Variants in GRID1 observed in about 807,000 individuals in gnomAD.
GRID1 encodes glutamate ionotropic receptor delta type subunit 1, also known as glutamate receptor ionotropic, delta-1.
In GRID1, 28 loss-of-function variants were observed where a neutral mutation model predicts 98.0. That is an observed-to-expected ratio of 0.29 (90% CI 0.21 to 0.39). The LOEUF is 0.39. Ranked by LOEUF, GRID1 falls within the 10% of genes least tolerant of loss-of-function variation. The pLI, the probability that GRID1 is intolerant of heterozygous loss-of-function variation, is 1.00. For synonymous variants in GRID1, 553 were observed against 538.5 expected (o/e 1.03, Z -0.37); for missense variants, 1,111 against 1,340.5 (o/e 0.83, Z 2.67).
At chr10:86,058,290 CCTT>C (rs1843602482) in intron 4 of GRID1, among the ~76,000 whole-genome samples, 1 of 152,128 alleles carries the variant, frequency 6.6e-6, no homozygotes, top group Admixed American at 6.5e-5. Flanking sequence ...TTCTGTGTGA[CCTT>C]CTAGTTGGTT....
At chr10:86,225,307 GGAAACTGCCCAGGATGAGCTCA>G (rs1846322974) in intron 2 of GRID1, among the ~76,000 whole-genome samples, 1 of 152,214 alleles carries the variant, frequency 6.6e-6, no homozygotes, top group Non-Finnish European at 1.5e-5. Flanking sequence ...CACCAGCAAA[GGAAACTGCCCAGGATGAGCTCA>G]GCACTTTTTT....
intron 4 of GRID1, among the ~76,000 whole-genome samples, chr10:86,029,720 G>GA (rs1344946859): frequency 1.3e-5 from 2 of 151,462 alleles, no homozygotes; most frequent in Middle Eastern, 3.2e-3. Flanking sequence ...TCTGAAGCTT[G>GA]AAAAAAACAA....
chr10:86,081,844 G>T (rs1445769757), intron 4 of GRID1, among the ~76,000 whole-genome samples: 1 of 152,200 alleles, frequency 6.6e-6, no homozygotes, highest in Non-Finnish European at 1.5e-5. Flanking sequence ...AAGAATCAGT[G>T]GTTGCCTATG....
intron 12 of GRID1, among the ~76,000 whole-genome samples, chr10:85,714,258 G>A (rs1487220910): frequency 6.6e-6 from 1 of 151,970 alleles, no homozygotes; most frequent in Non-Finnish European, 1.5e-5. Flanking sequence ...CTATTTGAGG[G>A]TGGAGGTTAG....
intron 4 of GRID1, among the ~76,000 whole-genome samples, chr10:86,115,529 C>A (rs1177623275): frequency 4.6e-5 from 7 of 152,206 alleles, no homozygotes; most frequent in Non-Finnish European, 8.8e-5. Context: ...CTTTAATCTG[C>A]CACCTACAAG....
chr10:86,131,096 A>G (rs1335474753), intron 4 of GRID1, among the ~76,000 whole-genome samples: 1 of 152,182 alleles, frequency 6.6e-6, no homozygotes, highest in Middle Eastern at 3.2e-3. Flanking sequence ...TGTGGACTAC[A>G]TGGCACAGAT....
At chr10:85,673,627 T>A (rs1008436483) in intron 12 of GRID1, among the ~76,000 whole-genome samples, 1 of 152,226 alleles carries the variant, frequency 6.6e-6, no homozygotes, top group Non-Finnish European at 1.5e-5. Flanking sequence ...GGGTTAGTAC[T>A]TTTGAGCATA....
intron 3 of GRID1, among the ~76,000 whole-genome samples, chr10:86,151,902 C>T (rs756330895): frequency 6.6e-6 from 1 of 152,238 alleles, no homozygotes; most frequent in African/African-American, 2.4e-5. Context: ...CTGCCCCACA[C>T]TATCTTACCC....
chr10:86,282,613 T>G (rs995871797), intron 2 of GRID1, among the ~76,000 whole-genome samples: 1 of 152,174 alleles, frequency 6.6e-6, no homozygotes, highest in South Asian at 2.1e-4. Context: ...CAAGACCATT[T>G]AAGCATGGCA....
intron 12 of GRID1, among the ~76,000 whole-genome samples, chr10:85,675,654 T>A (rs569066438): frequency 6.6e-6 from 1 of 152,228 alleles, no homozygotes; most frequent in East Asian, 1.9e-4. Flanking sequence ...CAGAGGGAGA[T>A]CATAAACACA....
intron 3 of GRID1, among the ~76,000 whole-genome samples, chr10:86,181,913 G>A (rs1429047289): frequency 6.6e-6 from 1 of 152,146 alleles, no homozygotes; most frequent in East Asian, 1.9e-4. Context: ...TGAATCCCCA[G>A]AACCTAGCAT....
chr10:85,673,226 T>G (rs1276857197), intron 12 of GRID1, among the ~76,000 whole-genome samples: 4 of 152,228 alleles, frequency 2.6e-5, no homozygotes, highest in Non-Finnish European at 5.9e-5. Flanking sequence ...AACATTTGTT[T>G]CTTACAGATG....
rs542738799 is a variant in GRID1 at position 86,116,528 on chromosome 10, G to A, written c.726+22291C>T. Among the ~76,000 whole-genome samples the A allele has an allele frequency of 3.9e-5, 6 of 152,246 alleles. No individual in the cohort carries two copies. In the South Asian group the frequency reaches 6.2e-4, roughly 16 times the overall value. On this transcript the variant is annotated intron_variant, in intron 4 of 15. Coordinates refer to ENST00000327946, the MANE Select transcript of GRID1 (RefSeq NM_017551.3). Reference sequence around the variant, plus strand: ...TTAGAGAGAGGCCAAAGGGTCAGAGGCTGCTTGTGGGAGAACGATGGCCAT... The same window carrying A: ...TTAGAGAGAGGCCAAAGGGTCAGAGACTGCTTGTGGGAGAACGATGGCCAT...
At chr10:85,860,037 G>A (rs891448667) in intron 6 of GRID1, among the ~76,000 whole-genome samples, 4 of 152,196 alleles carry the variant, frequency 2.6e-5, no homozygotes, top group African/African-American at 4.8e-5. Context: ...AAGGAAGTCT[G>A]GAAGGAGAGA....
intron 8 of GRID1, among the ~76,000 whole-genome samples, chr10:85,775,141 C>T (rs1173897576): frequency 2.6e-5 from 4 of 152,104 alleles, no homozygotes; most frequent in African/African-American, 4.8e-5. Context: ...GAATACTATG[C>T]AGCCATAAAA....
chr10:85,803,651 C>A (rs896198874), intron 8 of GRID1, among the ~76,000 whole-genome samples: 1 of 151,112 alleles, frequency 6.6e-6, no homozygotes, highest in African/African-American at 2.4e-5. Flanking sequence ...TGAAAATAAC[C>A]AATTGGTCAA....
At chr10:85,851,764 T>A (rs370997198) in intron 8 of GRID1, among the ~76,000 whole-genome samples, 1 of 152,118 alleles carries the variant, frequency 6.6e-6, no homozygotes, top group Non-Finnish European at 1.5e-5. Context: ...AGCAGCTGTG[T>A]ACCTTGCATG....
At chr10:85,734,834 A>T (rs1841861715) in intron 8 of GRID1, among the ~76,000 whole-genome samples, 1 of 152,156 alleles carries the variant, frequency 6.6e-6, no homozygotes, top group African/African-American at 2.4e-5. Context: ...GAACATAGAA[A>T]AGCACGGTTC....
intron 5 of GRID1, among the ~76,000 whole-genome samples, chr10:85,915,670 A>G (rs1388973381): frequency 1.3e-5 from 2 of 151,756 alleles, no homozygotes; most frequent in Non-Finnish European, 2.9e-5. Context: ...CAACTCATAC[A>G]CAAACACACA....
Sources: gnomAD v4.1 joint callset for allele counts (sites outside exome capture counted in the v4.1 genomes callset) on GRCh38, gnomAD v4.1.1 for gene constraint, MANE v1.5 for transcripts, NCBI Gene and HGNC (gene_info 2026-07-23, HGNC 2026-07-21) for gene names.